Variants in PAMR1 observed in about 807,000 individuals in gnomAD.
The protein encoded by PAMR1 is peptidase domain containing associated with muscle regeneration 1.
Under a neutral mutation model 81.8 loss-of-function variants are expected in PAMR1, and 88 were observed. The ratio of observed to expected loss-of-function variants is 1.08; its 90% CI spans 0.91 to 1.28. PAMR1 has a LOEUF of 1.28. Among genes scored for constraint, PAMR1 ranks in the 50% most tolerant of loss-of-function variants. The pLI is 0.00. For missense variants in PAMR1, 935 were observed against 919.7 expected (o/e 1.02, Z -0.21); for synonymous variants, 336 against 345.3 (o/e 0.97, Z 0.30).
chr11:35,523,405 G>A (rs1851321820), intron 1 of PAMR1, among the ~76,000 whole-genome samples: 1 of 152,108 alleles, frequency 6.6e-6, no homozygotes, highest in African/African-American at 2.4e-5. Context: ...TTCCTCTTCG[G>A]CAGAATCACA....
chr11:35,515,222 C>A (rs10742351), intron 1 of PAMR1, among the ~76,000 whole-genome samples: 53,323 of 151,986 alleles, frequency 0.35, 9,809 homozygotes, highest in East Asian at 0.62. Context: ...AGGACTACAT[C>A]AGGGGTCTTG....
chr11:35,465,731 A>G (rs1856745071), intron 6 of PAMR1, among the ~76,000 whole-genome samples: 1 of 152,220 alleles, frequency 6.6e-6, no homozygotes, highest in Admixed American at 6.5e-5. Flanking sequence ...CTTCACTATA[A>G]CTACATGTTA....
At chr11:35,435,834 T>C (rs1856028248) in intron 9 of PAMR1, 69 bp downstream of exon 9, 1 of 1,164,014 alleles carries the variant, frequency 8.6e-7, no homozygotes, top group East Asian at 2.4e-5. Context: ...AAAAGTAGGG[T>C]TAATGGTTTT....
chr11:35,525,378 C>G, intron 1 of PAMR1, 135 bp downstream of exon 1: 2 of 674,618 alleles, frequency 3.0e-6, no homozygotes, highest in South Asian at 3.8e-5. Context: ...AGCACCACCC[C>G]CCCTCAACCC....
intron 1 of PAMR1, among the ~76,000 whole-genome samples, chr11:35,508,939 A>G (rs908237322): frequency 6.6e-6 from 1 of 152,020 alleles, no homozygotes; most frequent in African/African-American, 2.4e-5. Context: ...TTCTTTATTG[A>G]GTCTACCATT....
At chr11:35,509,302 T>C (rs529848579) in intron 1 of PAMR1, among the ~76,000 whole-genome samples, 117 of 152,350 alleles carry the variant, frequency 7.7e-4, no homozygotes, top group African/African-American at 2.7e-3. Flanking sequence ...CATTTTAAAA[T>C]TCAATAAATA....
chr11:35,465,409 G>A (rs947943434), intron 6 of PAMR1, among the ~76,000 whole-genome samples: 3 of 152,012 alleles, frequency 2.0e-5, no homozygotes, highest in South Asian at 2.1e-4. Context: ...AAGAATTCCC[G>A]CCAGGATGTT....
At chr11:35,432,919 T>C in intron 10 of PAMR1, 27 bp from the exon 11 acceptor site, 1 of 1,537,210 alleles carries the variant, frequency 6.5e-7, no homozygotes, top group Non-Finnish European at 8.7e-7. Context: ...TGGGCAGCAA[T>C]GGTGAGGAGC....
chr11:35,474,308 T>A (rs1238593813), intron 4 of PAMR1, among the ~76,000 whole-genome samples: 2 of 152,188 alleles, frequency 1.3e-5, no homozygotes, highest in African/African-American at 4.8e-5. Context: ...TTTCTTTACA[T>A]CCCTCCCATA....
rs1856121048 is a variant in PAMR1 at position 35,439,608 on chromosome 11, G to A, written c.1100+19C>T. 4 of 1,591,154 alleles carry A rather than the reference G, an allele frequency of 2.5e-6. No homozygotes were observed. Among genetic ancestry groups the A allele is most frequent in the Admixed American group, 1.7e-5 (1 of 59,978 alleles). ...TACTCATTAGCCTTCAGGGCAGAGT[G>A]CAGGTGTTTTGACCTCACCTTGACT... On this transcript the variant is annotated intron_variant, in intron 8 of 10. Coordinates refer to ENST00000619888, the MANE Select transcript of PAMR1 (RefSeq NM_001001991.3).
chr11:35,434,511 C>A lies in PAMR1; in HGVS notation c.1626+1G>T. On this transcript the variant is annotated splice_donor_variant, in intron 10 of 10. Coordinates refer to ENST00000619888, the MANE Select transcript of PAMR1 (RefSeq NM_001001991.3). LOFTEE classifies it high-confidence loss of function. ...GCTTCCAAGTGCAAGCCCTCTCTTA[C>A]CTGTAGGCTCTGGATGGTCTTCTCA... 1 of 1,612,648 alleles carries A rather than the reference C, an allele frequency of 6.2e-7. No individual in the cohort carries two copies. Among genetic ancestry groups the A allele is most frequent in the South Asian group, 1.1e-5 (1 of 90,942 alleles).
chr11:35,438,299 C>G (rs1590316457), intron 8 of PAMR1, among the ~76,000 whole-genome samples: 1 of 152,230 alleles, frequency 6.6e-6, no homozygotes, highest in East Asian at 1.9e-4. Context: ...ACAAAAATAC[C>G]TACCTCAGAG....
chr11:35,456,479 G>T (rs995961179), intron 6 of PAMR1, among the ~76,000 whole-genome samples: 1 of 152,202 alleles, frequency 6.6e-6, no homozygotes, highest in African/African-American at 2.4e-5. Context: ...CTTCTGCTGA[G>T]AATAATCATT....
intron 6 of PAMR1, among the ~76,000 whole-genome samples, chr11:35,448,845 G>A (rs918551916): frequency 1.3e-5 from 2 of 152,170 alleles, no homozygotes; most frequent in African/African-American, 4.8e-5. Context: ...TTTTGTTGAT[G>A]TTGTTGTTGC....
chr11:35,436,877 CA>C, intron 8 of PAMR1, among the ~76,000 whole-genome samples: 1 of 151,900 alleles, frequency 6.6e-6, no homozygotes, highest in East Asian at 1.9e-4. Context: ...CAACATTAAA[CA>C]AAAAAGGGAG....
intron 9 of PAMR1, among the ~76,000 whole-genome samples, chr11:35,435,035 C>T (rs1051828612): frequency 6.6e-6 from 1 of 152,168 alleles, no homozygotes; most frequent in African/African-American, 2.4e-5. Context: ...GTTCTGATCC[C>T]AGGCACTTAC....
chr11:35,474,498 G>A, intron 4 of PAMR1, 132 bp downstream of exon 4: 1 of 542,464 alleles, frequency 1.8e-6, no homozygotes, highest in East Asian at 3.3e-5. Flanking sequence ...CCTTATCCCA[G>A]AGAATCAGAG....
intron 1 of PAMR1, among the ~76,000 whole-genome samples, chr11:35,522,227 C>T (rs1237478523): frequency 1.3e-5 from 2 of 152,164 alleles, no homozygotes; most frequent in South Asian, 2.1e-4. Flanking sequence ...TGCCTCAAAT[C>T]GTTTTTAAGT....
intron 6 of PAMR1, among the ~76,000 whole-genome samples, chr11:35,460,505 G>A (rs910461914): frequency 6.6e-6 from 1 of 151,974 alleles, no homozygotes; most frequent in African/African-American, 2.4e-5. Flanking sequence ...GCCCTGGTGT[G>A]TGATGTTCCC....
Sources: allele counts gnomAD v4.1 joint callset (sites outside exome capture counted in the v4.1 genomes callset), GRCh38; gene constraint gnomAD v4.1.1; transcripts MANE v1.5; gene names NCBI Gene and HGNC (gene_info 2026-07-23, HGNC 2026-07-21).